The following CAPN1 variants were observed in gnomAD, a reference collection of about 807,000 sequenced individuals.
CAPN1 encodes the protein calpain 1.
In CAPN1, 77 loss-of-function variants were observed where a neutral mutation model predicts 105.2. The ratio of observed to expected loss-of-function variants is 0.73; its 90% CI spans 0.61 to 0.88. CAPN1 has a LOEUF of 0.88. Among genes scored for constraint, CAPN1 ranks in the 40% least tolerant of loss-of-function variants. The probability of loss-of-function intolerance (pLI) is 0.00; values close to 1 mark genes in which losing one functional copy is unlikely to be tolerated. For missense variants in CAPN1, 833 were observed against 976.6 expected (o/e 0.85, Z 1.96); for synonymous variants, 355 against 388.8 (o/e 0.91, Z 1.02).
In CAPN1 at chr11:65,204,687, C is replaced by CAGAA; in HGVS notation, c.1170_1171insAGAA (p.Phe391ArgfsTer14). On this transcript the variant is annotated frameshift_variant, in exon 11 of 22. Coordinates refer to ENST00000279247, the MANE Select transcript of CAPN1 (RefSeq NM_005186.4). LOFTEE classifies it high-confidence loss of function. Reference sequence around the variant, plus strand: ...CGCCTCCTCACCTGCCCGCAGCCACCTTCTGGGTGAACCCTCAGTTCAAGA... The same window carrying CAGAA: ...CGCCTCCTCACCTGCCCGCAGCCACCAGAATTCTGGGTGAACCCTCAGTTCAAGA... 4.3e-6 allele frequency: 7 copies of CAGAA among 1,609,622 alleles called. No individual in the cohort carries two copies. Among genetic ancestry groups the CAGAA allele is most frequent in the Non-Finnish European group, 5.1e-6 (6 of 1,176,912 alleles).
chr11:65,210,506 C>A lies in CAPN1; in HGVS notation c.2059+54C>A. 2 of 1,094,080 alleles carry A rather than the reference C, an allele frequency of 1.8e-6. No homozygotes were observed. The highest frequency in any genetic ancestry group is 2.8e-6 in the Non-Finnish European group (2 of 722,482). 67.8% of individuals were successfully genotyped at this position (1,094,080 alleles called of 1,614,324 possible). A position where few individuals can be genotyped will look rare whatever the true frequency, so the allele number is the denominator to read the frequency against. ...CCAGCTCCGTCCCAAACGCGTCCCC[C>A]AGGAGCTGGGGGGAATGACAGATGG... On this transcript the variant is annotated intron_variant, in intron 20 of 21. Coordinates refer to ENST00000279247, the MANE Select transcript of CAPN1 (RefSeq NM_005186.4). The surrounding 1 kb of genome is among the most constrained non-coding windows in gnomAD (Gnocchi z 4.3).
At chr11:65,196,565 C>G (rs1026400709) in intron 10 of CAPN1, among the ~76,000 whole-genome samples, 1 of 152,078 alleles carries the variant, frequency 6.6e-6, no homozygotes, top group Non-Finnish European at 1.5e-5. Context: ...GCCTTACTGT[C>G]AAATACTAGA....
chr11:65,182,526 C>T (rs1948554166), intron 1 of CAPN1, 175 bp from the exon 2 acceptor site: 1 of 627,094 alleles, frequency 1.6e-6, no homozygotes, highest in Non-Finnish European at 2.6e-6. Flanking sequence ...CCTGGATTCA[C>T]TGGGAGCACC....
intron 11 of CAPN1, among the ~76,000 whole-genome samples, chr11:65,205,452 C>G (rs964173732): frequency 1.1e-4 from 16 of 152,094 alleles, no homozygotes; most frequent in African/African-American, 3.9e-4. Context: ...TTGGCCACCC[C>G]GGGGGCTGGC....
In CAPN1 at chr11:65,205,709, G is replaced by C. The variant is rs752116568; in HGVS notation, c.1342-1G>C. Reference sequence around the variant, plus strand: ...TGACTTCCCCTGTCTCTCTATTGCAGGTCCCTCCGGAGGTAGGTGTGGCAC... The same window carrying C: ...TGACTTCCCCTGTCTCTCTATTGCACGTCCCTCCGGAGGTAGGTGTGGCAC... On this transcript the variant is annotated splice_acceptor_variant, in intron 11 of 21. Transcript: ENST00000279247. LOFTEE classifies it high-confidence loss of function. 1 of 1,613,532 alleles carries C rather than the reference G, an allele frequency of 6.2e-7. No individual in the cohort carries two copies. The highest frequency in any genetic ancestry group is 1.3e-5 in the African/African-American group (1 of 74,910).
chr11:65,185,600 T>G (rs528683988), intron 4 of CAPN1, among the ~76,000 whole-genome samples: 6 of 151,408 alleles, frequency 4.0e-5, no homozygotes, highest in African/African-American at 1.5e-4. Flanking sequence ...AGAAGTATAT[T>G]TCAGGGTGAA....
chr11:65,208,081 C>T lies in CAPN1; in HGVS notation c.1632C>T (p.Asp544=), dbSNP rs770233534. 2.8e-5 allele frequency: 45 copies of T among 1,605,268 alleles called. No individual in the cohort carries two copies. The highest frequency in any genetic ancestry group is 3.4e-5 in the Admixed American group (2 of 58,786). ...DEQVLSEEEI[D]ENFKALFRQL... Reference sequence around the variant, plus strand: ...AAGTGCTCTCAGAAGAGGAGATTGACGAGAACTTCAAGGCCCTCTTCAGGC... The same window carrying T: ...AAGTGCTCTCAGAAGAGGAGATTGATGAGAACTTCAAGGCCCTCTTCAGGC... The change falls in exon 15 of 22, where the codon GAC becomes GAT. Residue 544 remains aspartate (D), a synonymous_variant. Transcript: ENST00000279247. The surrounding 1 kb of genome is among the most constrained non-coding windows in gnomAD (Gnocchi z 4.1).
intron 10 of CAPN1, among the ~76,000 whole-genome samples, chr11:65,198,590 A>G (rs998198600): frequency 7.2e-5 from 11 of 152,164 alleles, no homozygotes; most frequent in African/African-American, 2.7e-4. Context: ...TTTAAACATC[A>G]TCATGATTTG....
At chr11:65,198,774 C>T (rs1462232152) in intron 10 of CAPN1, among the ~76,000 whole-genome samples, 1 of 152,168 alleles carries the variant, frequency 6.6e-6, no homozygotes, top group African/African-American at 2.4e-5. Flanking sequence ...AGCCTCCCAC[C>T]TCAGTGTCTC....
rs1948681331 is a variant in CAPN1 at position 65,188,872 on chromosome 11, G to A, written c.1165+126G>A. On this transcript the variant is annotated intron_variant, in intron 10 of 21. Coordinates refer to ENST00000279247, the MANE Select transcript of CAPN1 (RefSeq NM_005186.4). The surrounding 1 kb of genome is among the most constrained non-coding windows in gnomAD (Gnocchi z 5.5). ...GGCTGATCTCTTGAATTTGCTTTGA[G>A]GAGTAAAATATTAAATGTCCTAGTA... 44 of 810,778 alleles carry A rather than the reference G, an allele frequency of 5.4e-5. No homozygotes were observed. The South Asian group carries it at 7.4e-4, about 14-fold the overall frequency. The allele number at this position is 810,778 out of a possible 1,614,324, so 50.2% of individuals were successfully genotyped here.
At chr11:65,183,978 A>G (rs1279707646) in intron 4 of CAPN1, among the ~76,000 whole-genome samples, 1 of 151,920 alleles carries the variant, frequency 6.6e-6, no homozygotes, top group Non-Finnish European at 1.5e-5. Flanking sequence ...CTATCCCCCA[A>G]CTCCTCCTGC....
At chr11:65,211,065 C>T in intron 21 of CAPN1, 193 bp downstream of exon 21, 1 of 747,172 alleles carries the variant, frequency 1.3e-6, no homozygotes, top group Non-Finnish European at 2.3e-6. Flanking sequence ...GAGGGGAGGT[C>T]CAGGCCCTTG....
At chr11:65,201,004 G>A (rs1421350360) in intron 10 of CAPN1, among the ~76,000 whole-genome samples, 1 of 140,716 alleles carries the variant, frequency 7.1e-6, no homozygotes, top group Admixed American at 7.6e-5. Context: ...GAGTGCAGTG[G>A]CGCAATCTCA....
In CAPN1 at chr11:65,204,778, C is replaced by T; in HGVS notation, c.1261C>T (p.Leu421Phe). The change falls in exon 11 of 22, where the codon CTC becomes TTC. Residue 421 changes from leucine to phenylalanine, a missense_variant. By Grantham distance (22) the Leu-to-Phe change is conservative. Coordinates refer to ENST00000279247, the MANE Select transcript of CAPN1 (RefSeq NM_005186.4). ...GDRESGCSFVLALMQKHRRRE... is the reference protein window; with the variant it reads ...GDRESGCSFVFALMQKHRRRE... ...CCGCGAGTCAGGCTGCAGCTTCGTG[C>T]TCGCCCTTATGCAGAAGCACCGTCG... 1 of 1,613,136 alleles carries T rather than the reference C, an allele frequency of 6.2e-7. No homozygotes were observed.
At chr11:65,191,017 A>C (rs142921123) in intron 10 of CAPN1, among the ~76,000 whole-genome samples, 16 of 151,878 alleles carry the variant, frequency 1.1e-4, no homozygotes, top group African/African-American at 3.9e-4. Context: ...GCTGTTCTTG[A>C]CCTCTGTTTT....
intron 10 of CAPN1, among the ~76,000 whole-genome samples, chr11:65,198,102 A>G (rs1165176136): frequency 6.6e-6 from 1 of 150,994 alleles, no homozygotes; most frequent in South Asian, 2.1e-4. Context: ...GAAAGACATA[A>G]GAGTTTGCTT....
rs1340220754 is a variant in CAPN1 at position 65,185,986 on chromosome 11, G to A, written c.526G>A (p.Val176Met). ...DLLPIKDGKL[V>M]FVHSAEGNEF... ...GCTGCCCATCAAGGACGGGAAGCTA[G>A]TGTTCGTGCACTCTGCCGAAGGCAA... The change falls in exon 5 of 22, where the codon GTG (valine) becomes ATG (methionine). Residue 176 changes from valine (V) to methionine (M), a missense_variant. Coordinates refer to ENST00000279247, the MANE Select transcript of CAPN1 (RefSeq NM_005186.4). 5.6e-6 allele frequency: 9 copies of A among 1,606,346 alleles called. No individual in the cohort carries two copies. Among genetic ancestry groups the A allele is most frequent in the Non-Finnish European group, 7.6e-6 (9 of 1,176,488 alleles).
At chr11:65,205,859 AC>A (rs1457956088) in intron 12 of CAPN1, 138 bp downstream of exon 12, 114 of 781,128 alleles carry the variant, frequency 1.5e-4, no homozygotes, top group Non-Finnish European at 2.2e-4. Flanking sequence ...GCTTCTCCCC[AC>A]CTGTTCAGTG....
chr11:65,190,901 C>A (rs372533598), intron 10 of CAPN1, among the ~76,000 whole-genome samples: 1 of 151,976 alleles, frequency 6.6e-6, no homozygotes, highest in Non-Finnish European at 1.5e-5. Context: ...TTAGTAGAGA[C>A]GGGGTTTCAC....
Sources: gnomAD v4.1 joint callset for allele counts (sites outside exome capture counted in the v4.1 genomes callset) on GRCh38, gnomAD v4.1.1 for gene constraint, Gnocchi (gnomAD v3.1) non-coding constraint, MANE v1.5 for transcripts, NCBI Gene and HGNC (gene_info 2026-07-23, HGNC 2026-07-21) for gene names.